Variants in SLC6A6 observed in about 807,000 individuals in gnomAD.
SLC6A6 encodes solute carrier family 6 member 6.
Under a neutral mutation model 68.8 loss-of-function variants are expected in SLC6A6, and 16 were observed. The observed-to-expected ratio is 0.23, with a 90% CI of 0.16 to 0.35. The LOEUF (loss-of-function observed/expected upper bound fraction) is 0.35. SLC6A6 is among the 10% of genes least tolerant of loss of function. The probability of loss-of-function intolerance (pLI) is 1.00; values close to 1 mark genes in which losing one functional copy is unlikely to be tolerated. For missense variants in SLC6A6, 474 were observed against 802.8 expected, an observed-to-expected ratio of 0.59 and a Z score of 4.95; for synonymous variants, 312 against 315.4, an observed-to-expected ratio of 0.99 and a Z score of 0.12.
intron 6 of SLC6A6, among the ~76,000 whole-genome samples, chr3:14,465,922 G>C (rs570237918): frequency 7.9e-5 from 12 of 152,342 alleles, no homozygotes; most frequent in African/African-American, 2.9e-4. Flanking sequence ...CTTAGATGGT[G>C]CCTGGGACAA....
At chr3:14,407,513 T>TG (rs1699137463) in intron 1 of SLC6A6, among the ~76,000 whole-genome samples, 1 of 150,092 alleles carries the variant, frequency 6.7e-6, no homozygotes, top group African/African-American at 2.4e-5. Context: ...TCTTTTTCTT[T>TG]TTTTTTTTTT....
Position 14,406,892 on chromosome 3 carries a change from G to T in SLC6A6, c.-54+4045G>T, listed in dbSNP as rs114617395. On this transcript the variant is annotated intron_variant, in intron 1 of 14. Transcript: ENST00000622186. ...GAGTGGGGAGGGAATGATGGGGGAG[G>T]CAGGTGGGCTGCCCTAACTGTGGTC... Among the ~76,000 whole-genome samples, 694 of 152,300 alleles carry T rather than the reference G, an allele frequency of 4.6e-3. 7 individuals carry two copies. The highest frequency in any genetic ancestry group is 0.016 in the African/African-American group (676 of 41,562).
chr3:14,478,544 T>G lies in SLC6A6; in HGVS notation c.1426T>G (p.Cys476Gly). 2 of 1,610,606 alleles carry G rather than the reference T, an allele frequency of 1.2e-6. No individual in the cohort carries two copies. The highest frequency in any genetic ancestry group is 1.7e-6 in the Non-Finnish European group (2 of 1,176,750). Residue 476 changes from cysteine (C) to glycine (G), a missense_variant, in exon 12 of 15, where the codon TGT becomes GGT. Physicochemically the swap from Cys to Gly is radical, Grantham distance 159 (BLOSUM62 -3). Transcript: ENST00000622186. ...VCLLWVAFFE[C>G]FVIAWIYGGD... is the part of the protein sequence containing the mutation. Reference sequence around the variant, plus strand: ...CCTTTTGTGGGTTGCATTCTTTGAATGTTTTGTTATTGCCTGGATATATGG... The same window carrying G: ...CCTTTTGTGGGTTGCATTCTTTGAAGGTTTTGTTATTGCCTGGATATATGG...
rs1700220415 is a variant in SLC6A6, at chr3:14,450,041, T to C, written c.599+2225T>C. 6.6e-6 allele frequency among the ~76,000 whole-genome samples: 1 copy of C among 152,196 alleles called. No homozygotes were observed. Among genetic ancestry groups the C allele is most frequent in the Admixed American group, 6.5e-5 (1 of 15,284 alleles). ...CTGGGATTACAGGCGTGAGCCACTG[T>C]GCCTGGCCAGAATCCATTATTATTT... On this transcript the variant is annotated intron_variant, in intron 5 of 14. Coordinates refer to ENST00000622186, the MANE Select transcript of SLC6A6 (RefSeq NM_003043.6). This position sits in a 1 kb window ranked among gnomAD's most constrained non-coding sequence, Gnocchi z 4.1.
At chr3:14,410,696 TTC>T (rs1327781763) in intron 1 of SLC6A6, among the ~76,000 whole-genome samples, 2 of 152,230 alleles carry the variant, frequency 1.3e-5, no homozygotes, top group African/African-American at 4.8e-5. Flanking sequence ...TCAGGACCAC[TTC>T]TCTGCGTGGT....
intron 2 of SLC6A6, among the ~76,000 whole-genome samples, chr3:14,418,531 G>C (rs538081466): frequency 6.6e-6 from 1 of 152,168 alleles, no homozygotes; most frequent in Non-Finnish European, 1.5e-5. Context: ...CCTACTCGAC[G>C]TCAGCCTCCA....
At chr3:14,444,788 C>A (rs1700073466) in intron 3 of SLC6A6, 1 of 456,696 alleles carries the variant, frequency 2.2e-6, no homozygotes. Flanking sequence ...CTCCCCAGAA[C>A]AAAGCACATA....
At chr3:14,432,958 CTT>C (rs1446720835) in intron 2 of SLC6A6, among the ~76,000 whole-genome samples, 1 of 152,248 alleles carries the variant, frequency 6.6e-6, no homozygotes, top group African/African-American at 2.4e-5. Context: ...CTCAGGGACT[CTT>C]TGACCAGAGA....
chr3:14,485,119 T>G lies in SLC6A6; in HGVS notation c.*112T>G, dbSNP rs1701117746. ...TTGCACTAGGATTTTTTTTTTTTTG[T>G]AATTGTCACAGAAAATGTAATTGTG... is the stretch of plus-strand genomic sequence containing the variant. On this transcript the variant is annotated 3_prime_UTR_variant, in exon 15 of 15. Coordinates refer to ENST00000622186, the MANE Select transcript of SLC6A6 (RefSeq NM_003043.6). 7 of 831,398 alleles carry G rather than the reference T, an allele frequency of 8.4e-6. No individual in the cohort carries two copies. In the Admixed American group the frequency reaches 8.9e-5, roughly 11 times the overall value. The allele number at this position is 831,398 out of a possible 1,614,324, so 51.5% of individuals were successfully genotyped here.
intron 1 of SLC6A6, among the ~76,000 whole-genome samples, chr3:14,407,569 A>G (rs1233555437): frequency 1.3e-5 from 2 of 148,666 alleles, no homozygotes; most frequent in African/African-American, 5.0e-5. Flanking sequence ...GTGCAGTGGC[A>G]TGATCTCTAC....
rs543554342 is a variant in SLC6A6 at position 14,472,910 on chromosome 3, G to A, written c.1209+593G>A. On this transcript the variant is annotated intron_variant, in intron 10 of 14. Transcript: ENST00000622186. The surrounding 1 kb of genome is among the most constrained non-coding windows in gnomAD (Gnocchi z 4.5). ...CCGTGCTTTATACACCGCACAGGCC[G>A]GGAGCCTCGCTCAAACCCGCCCTGA... 1.1e-4 allele frequency among the ~76,000 whole-genome samples: 17 copies of A among 152,316 alleles called. No homozygotes were observed. The East Asian group carries it at 1.4e-3, about 12-fold the overall frequency.
chr3:14,404,272 T>C (rs1047203887), intron 1 of SLC6A6, among the ~76,000 whole-genome samples: 1 of 151,422 alleles, frequency 6.6e-6, no homozygotes, highest in Admixed American at 6.6e-5. Context: ...AGCGGGTGAG[T>C]GCTTAGCAAC....
chr3:14,422,924 A>G (rs12494428), intron 2 of SLC6A6, among the ~76,000 whole-genome samples: 96,800 of 152,074 alleles, frequency 0.64, 33,388 homozygotes, highest in East Asian at 0.96. Flanking sequence ...GCATCCTGCC[A>G]GTCCTGGACA....
Position 14,445,053 on chromosome 3 carries a change from CT to C in SLC6A6, c.230-662del, listed in dbSNP as rs1188461765. ...ACAAAGAGGCGACGTGTGAGTGGGTCTTAAGAGGCCAAGCCGTCCTTGTTCA... is the reference window on the plus strand; with the variant it reads ...ACAAAGAGGCGACGTGTGAGTGGGTCTAAGAGGCCAAGCCGTCCTTGTTCA... On this transcript the variant is annotated intron_variant, in intron 3 of 14. Transcript: ENST00000622186. Among the ~76,000 whole-genome samples, 4 of 109,096 alleles carry C rather than the reference CT, an allele frequency of 3.7e-5. No individual in the cohort carries two copies. In the East Asian group the frequency reaches 1.0e-3, roughly 27 times the overall value. The allele number at this position is 109,096 out of a possible 152,430, so 71.6% of individuals were successfully genotyped here.
intron 2 of SLC6A6, among the ~76,000 whole-genome samples, chr3:14,441,963 G>A (rs1699999664): frequency 6.6e-6 from 1 of 152,258 alleles, no homozygotes; most frequent in South Asian, 2.1e-4. Context: ...TAGTTGAGGA[G>A]ATAGACGACA....
At chr3:14,442,253 G>A (rs1700007089) in intron 2 of SLC6A6, among the ~76,000 whole-genome samples, 1 of 152,240 alleles carries the variant, frequency 6.6e-6, no homozygotes. Context: ...GATTATTTCA[G>A]TGTTGGCCAC....
At chr3:14,446,189 G>A (rs1700116927) in intron 4 of SLC6A6, among the ~76,000 whole-genome samples, 1 of 152,168 alleles carries the variant, frequency 6.6e-6, no homozygotes, top group African/African-American at 2.4e-5. Flanking sequence ...TGGTGGACTG[G>A]ATAAAGAAAA....
chr3:14,481,627 C>CCCG lies in SLC6A6; in HGVS notation c.1552-44_1552-43insCCG. ...CTAGTCCCAGAAGCCCCCCACCCCCCGATGCCCAGGACCCCTCTCCTGACT... is the reference window on the plus strand; with the variant it reads ...CTAGTCCCAGAAGCCCCCCACCCCCCCCGGATGCCCAGGACCCCTCTCCTGACT... On this transcript the variant is annotated intron_variant, in intron 13 of 14. Transcript: ENST00000622186. The surrounding 1 kb of genome is among the most constrained non-coding windows in gnomAD (Gnocchi z 4.7). 7.0e-7 allele frequency: 1 copy of CCCG among 1,422,538 alleles called. No individual in the cohort carries two copies. The highest frequency in any genetic ancestry group is 9.8e-7 in the Non-Finnish European group (1 of 1,024,306). 88.1% of individuals were successfully genotyped at this position (1,422,538 alleles called of 1,614,324 possible).
chr3:14,457,843 G>A (rs1700403761), intron 5 of SLC6A6, 107 bp from the exon 6 acceptor site: 4 of 991,820 alleles, frequency 4.0e-6, no homozygotes, highest in Non-Finnish European at 4.7e-6. Context: ...TGTAAATGCA[G>A]CGCCTCAGGT....
Sources: allele counts gnomAD v4.1 joint callset (sites outside exome capture counted in the v4.1 genomes callset), GRCh38; gene constraint gnomAD v4.1.1; non-coding constraint Gnocchi (gnomAD v3.1); transcripts MANE v1.5; gene names NCBI Gene and HGNC (gene_info 2026-07-23, HGNC 2026-07-21).